Variants in RPH3A observed in about 807,000 individuals in gnomAD.
The protein encoded by RPH3A is rabphilin 3A.
In RPH3A, 48 loss-of-function variants were observed where a neutral mutation model predicts 102.2. The observed-to-expected ratio is 0.47, with a 90% confidence interval of 0.37 to 0.60. The LOEUF (loss-of-function observed/expected upper bound fraction) is 0.60, where lower values mean the gene tolerates loss of function less well. Among genes scored for constraint, RPH3A ranks in the 20% least tolerant of loss-of-function variants. The pLI is 0.00. For synonymous variants in RPH3A, 310 were observed against 324.3 expected (o/e 0.96, Z 0.47); for missense variants, 781 against 910.1 (o/e 0.86, Z 1.83).
At chr12:112,613,234 T>C (rs1247336422) in intron 1 of RPH3A, among the ~76,000 whole-genome samples, 1 of 152,140 alleles carries the variant, frequency 6.6e-6, no homozygotes. Flanking sequence ...ACTTTCTAAC[T>C]CTAAAGCCTG....
At chr12:112,728,609 G>T (rs1441423448) in intron 1 of RPH3A, among the ~76,000 whole-genome samples, 1 of 152,138 alleles carries the variant, frequency 6.6e-6, no homozygotes, top group Non-Finnish European at 1.5e-5. Flanking sequence ...AACCTTAAAA[G>T]AATTTACCAC....
At chr12:112,807,588 T>C (rs566369059) in intron 2 of RPH3A, among the ~76,000 whole-genome samples, 1 of 152,346 alleles carries the variant, frequency 6.6e-6, no homozygotes, top group East Asian at 1.9e-4. Flanking sequence ...CAATAACAAC[T>C]ACCTTATTGG....
rs142065134 is a variant in RPH3A at position 112,766,173 on chromosome 12, G to A, written c.-139-25970G>A. Among the ~76,000 whole-genome samples the A allele has an allele frequency of 8.7e-3, 1,326 of 152,182 alleles. 16 individuals are homozygous for A. Among genetic ancestry groups the A allele is most frequent in the African/African-American group, 0.031 (1,269 of 41,524 alleles). On this transcript the variant is annotated intron_variant, in intron 1 of 21. Coordinates refer to the RPH3A transcript ENST00000543106. The stretch of plus-strand genomic sequence containing the variant: ...CTCAGATTGCCTGGGTTCACATTTC[G>A]GCACTGCCACTTCCTAGCTGTGTGA...
At chr12:112,730,323 C>T (rs2040623698) in intron 1 of RPH3A, among the ~76,000 whole-genome samples, 2 of 152,230 alleles carry the variant, frequency 1.3e-5, no homozygotes, top group Admixed American at 1.3e-4. Context: ...TGTCCAGCTG[C>T]AGGGAGTGCA....
intron 1 of RPH3A, among the ~76,000 whole-genome samples, chr12:112,763,814 C>T (rs2040870581): frequency 6.6e-6 from 1 of 152,144 alleles, no homozygotes; most frequent in Admixed American, 6.5e-5. Context: ...CTTTGGAATG[C>T]CCTTAGCTGC....
chr12:112,648,721 G>A (rs1287705501), intron 1 of RPH3A, among the ~76,000 whole-genome samples: 1 of 145,838 alleles, frequency 6.9e-6, no homozygotes, highest in Non-Finnish European at 1.5e-5. Flanking sequence ...CTCTAGCCTG[G>A]GTGACAGAGC....
chr12:112,779,671 A>G (rs1462477484), intron 1 of RPH3A, among the ~76,000 whole-genome samples: 1 of 151,992 alleles, frequency 6.6e-6, no homozygotes, highest in Non-Finnish European at 1.5e-5. Flanking sequence ...GTAGACTCAC[A>G]CTCTGACCAC....
At chr12:112,641,589 G>A (rs912816116) in intron 1 of RPH3A, among the ~76,000 whole-genome samples, 3 of 152,134 alleles carry the variant, frequency 2.0e-5, no homozygotes, top group African/African-American at 7.2e-5. Context: ...TAGAGACAGG[G>A]TTTCATCATG....
chr12:112,658,389 C>G (rs921215424), intron 1 of RPH3A, among the ~76,000 whole-genome samples: 5 of 152,116 alleles, frequency 3.3e-5, no homozygotes, highest in African/African-American at 1.2e-4. Context: ...GTTGGCCAGG[C>G]TGGTCTTGAA....
intron 4 of RPH3A, among the ~76,000 whole-genome samples, chr12:112,847,252 T>C (rs955618006): frequency 6.6e-6 from 1 of 152,196 alleles, no homozygotes; most frequent in Non-Finnish European, 1.5e-5. Context: ...TTATGTGAAT[T>C]CAAGAGATTT....
intron 2 of RPH3A, among the ~76,000 whole-genome samples, chr12:112,803,479 G>A (rs1173919101): frequency 6.6e-6 from 1 of 151,456 alleles, no homozygotes; most frequent in East Asian, 1.9e-4. Flanking sequence ...GAAGCCTTGG[G>A]AAGGAGATAT....
intron 2 of RPH3A, among the ~76,000 whole-genome samples, chr12:112,823,502 A>G (rs2041817323): frequency 6.6e-6 from 1 of 152,226 alleles, no homozygotes; most frequent in South Asian, 2.1e-4. Flanking sequence ...CCCGATAAGT[A>G]TAGGAGAAGC....
rs1565882498 is a variant in RPH3A, at chr12:112,791,903, A to AGAGAGAGAGG, written c.-247_-246insGAGAGAGGGA. On this transcript the variant is annotated 5_prime_UTR_variant, in exon 1 of 22. Transcript: ENST00000389385. ...GAGAGAGAGAGAGAGAGAGAGAGAG[A>AGAGAGAGAGG]GACTCACAGAGCTAAAACCTTCATC... 7 of 150,204 alleles carry AGAGAGAGAGG rather than the reference A, an allele frequency of 4.7e-5. No homozygotes were observed. Among genetic ancestry groups the AGAGAGAGAGG allele is most frequent in the Non-Finnish European group, 4.5e-5 (3 of 67,194 alleles). The allele number at this position is 150,204 out of a possible 1,614,324, so 9.3% of individuals were successfully genotyped here. A position where few individuals can be genotyped will look rare whatever the true frequency, so the allele number is the denominator to read the frequency against.
At chr12:112,802,201 C>G (rs2041367274) in intron 2 of RPH3A, among the ~76,000 whole-genome samples, 1 of 152,180 alleles carries the variant, frequency 6.6e-6, no homozygotes, top group African/African-American at 2.4e-5. Context: ...CTAACAAATG[C>G]TGAGTGTCCT....
At chr12:112,700,499 T>C (rs1285334537) in intron 1 of RPH3A, among the ~76,000 whole-genome samples, 2 of 152,220 alleles carry the variant, frequency 1.3e-5, no homozygotes, top group Non-Finnish European at 2.9e-5. Flanking sequence ...AAATCTATTT[T>C]TGCAACCTTC....
intron 1 of RPH3A, among the ~76,000 whole-genome samples, chr12:112,748,829 C>A (rs193096058): frequency 6.6e-6 from 1 of 152,022 alleles, no homozygotes; most frequent in Non-Finnish European, 1.5e-5. Flanking sequence ...CCAGAGGCTA[C>A]GAACTGATAT....
chr12:112,687,948 A>G (rs1045977180), intron 1 of RPH3A, among the ~76,000 whole-genome samples: 3 of 152,224 alleles, frequency 2.0e-5, no homozygotes, highest in African/African-American at 4.8e-5. Flanking sequence ...TTCCAGCTTC[A>G]ACAATCATGC....
intron 16 of RPH3A, among the ~76,000 whole-genome samples, chr12:112,885,309 G>A (rs575275227): frequency 2.0e-4 from 30 of 152,358 alleles, no homozygotes; most frequent in African/African-American, 7.2e-4. Context: ...GGCTGTGCCA[G>A]TGTGCACTCC....
At chr12:112,858,651 A>G (rs1023866531) in intron 5 of RPH3A, among the ~76,000 whole-genome samples, 2 of 152,212 alleles carry the variant, frequency 1.3e-5, no homozygotes, top group African/African-American at 4.8e-5. Context: ...CGCCAGCTCC[A>G]TGAGGGCAGT....
Sources: gnomAD v4.1 joint callset for allele counts (sites outside exome capture counted in the v4.1 genomes callset) on GRCh38, gnomAD v4.1.1 for gene constraint, MANE v1.5 for transcripts, NCBI Gene and HGNC (gene_info 2026-07-23, HGNC 2026-07-21) for gene names.